SLC36A2: variants seen among roughly 807,000 people sequenced by gnomAD.
The protein encoded by SLC36A2 is solute carrier family 36 member 2.
SLC36A2 carries 39 observed loss-of-function variants against 42.7 expected under a neutral mutation model. The ratio of observed to expected loss-of-function variants is 0.91; its 90% CI spans 0.71 to 1.19. The LOEUF (loss-of-function observed/expected upper bound fraction) is 1.19, where lower values mean the gene tolerates loss of function less well. SLC36A2 is among the 50% of genes most tolerant of loss of function. SLC36A2 has a pLI of 0.00. For missense variants in SLC36A2, 590 were observed against 613.7 expected, an observed-to-expected ratio of 0.96 and a Z score of 0.41; for synonymous variants, 237 against 240.8, an observed-to-expected ratio of 0.98 and a Z score of 0.15.
chr5:151,322,485 C>T (rs1283225727), intron 8 of SLC36A2, among the ~76,000 whole-genome samples: 5 of 152,182 alleles, frequency 3.3e-5, no homozygotes, highest in South Asian at 2.1e-4. Context: ...ATTGCACCTT[C>T]GCAAATCGCT....
At chr5:151,338,681 G>GAAA (rs113529350) in intron 5 of SLC36A2, 20,332 of 181,906 alleles carry the variant, frequency 0.11, 2,905 homozygotes, top group African/African-American at 0.38. Context: ...GTCTCAAAAA[G>GAAA]AAAAAAAAAA....
intron 9 of SLC36A2, among the ~76,000 whole-genome samples, chr5:151,320,460 A>G (rs978674343): frequency 7.2e-5 from 11 of 152,188 alleles, no homozygotes; most frequent in African/African-American, 2.4e-4. Flanking sequence ...TGTGGTTTCT[A>G]CGTACAGTGG....
intron 7 of SLC36A2, among the ~76,000 whole-genome samples, chr5:151,331,574 C>T (rs544922620): frequency 6.6e-6 from 1 of 152,130 alleles, no homozygotes; most frequent in East Asian, 1.9e-4. Context: ...CTGCATCAGC[C>T]TCTTAAAGTT....
chr5:151,334,677 C>G (rs896290382), intron 6 of SLC36A2, among the ~76,000 whole-genome samples: 6 of 151,400 alleles, frequency 4.0e-5, no homozygotes, highest in African/African-American at 9.7e-5. Context: ...GGTGAAAGAT[C>G]GAGAGTCTGT....
chr5:151,343,954 G>A (rs1381627996), intron 2 of SLC36A2, among the ~76,000 whole-genome samples: 1 of 152,112 alleles, frequency 6.6e-6, no homozygotes, highest in African/African-American at 2.4e-5. Flanking sequence ...TTCTACAGGG[G>A]AGGAAACTAA....
rs383915 is a variant in SLC36A2, at chr5:151,316,163, T to C, written c.*654A>G. 0.66 allele frequency: 101,263 copies of C among 152,688 alleles called. 34,564 individuals carry two copies. Among genetic ancestry groups the C allele is most frequent in the East Asian group, 0.98 (5,077 of 5,168 alleles). The allele number at this position is 152,688 out of a possible 1,614,324, so 9.5% of individuals were successfully genotyped here. A position where few individuals can be genotyped will look rare whatever the true frequency, so the allele number is the denominator to read the frequency against. On this transcript the variant is annotated 3_prime_UTR_variant, in exon 10 of 10. Transcript: ENST00000335244. The stretch of plus-strand genomic sequence containing the variant: ...GTGTGGACAGTCTTAGCTGGCTGCA[T>C]CTCCTTTGGCCAGTTGCTGCCACTT...
intron 4 of SLC36A2, among the ~76,000 whole-genome samples, chr5:151,341,851 C>A (rs1756355050): frequency 6.6e-6 from 1 of 152,142 alleles, no homozygotes; most frequent in Admixed American, 6.5e-5. Context: ...CTCAACTTGT[C>A]CAAAATAGAA....
rs942322879 is a variant in SLC36A2, at chr5:151,315,111, G to C, written c.*1706C>G. 6.6e-6 allele frequency: 1 copy of C among 152,658 alleles called. No individual in the cohort carries two copies. The highest frequency in any genetic ancestry group is 1.5e-5 in the Non-Finnish European group (1 of 68,074). 9.5% of individuals were successfully genotyped at this position (152,658 alleles called of 1,614,324 possible). ...TTTACTCGTGTCTGGAAGTTGGTAGGCTGGTTGATCTGCGGACAGGGCTCA... is the reference window on the plus strand; with the variant it reads ...TTTACTCGTGTCTGGAAGTTGGTAGCCTGGTTGATCTGCGGACAGGGCTCA... On this transcript the variant is annotated 3_prime_UTR_variant, in exon 10 of 10. Transcript: ENST00000335244.
intron 7 of SLC36A2, among the ~76,000 whole-genome samples, chr5:151,332,773 A>T (rs246487): frequency 0.44 from 67,390 of 152,122 alleles, 18,189 homozygotes; most frequent in East Asian, 0.86. Flanking sequence ...CAAAAAAGTG[A>T]ATGTTACTGT....
chr5:151,322,283 T>A (rs1446214153), intron 8 of SLC36A2, 68 bp from the exon 9 acceptor site: 1 of 1,566,134 alleles, frequency 6.4e-7, no homozygotes, highest in African/African-American at 1.4e-5. Flanking sequence ...CTTGGAACAT[T>A]AACCTCTGAC....
intron 3 of SLC36A2, among the ~76,000 whole-genome samples, chr5:151,343,212 C>T (rs1029351074): frequency 2.0e-5 from 3 of 152,132 alleles, no homozygotes; most frequent in Admixed American, 1.3e-4. Context: ...ACACCTTGCA[C>T]GGGGACGGTA....
intron 5 of SLC36A2, among the ~76,000 whole-genome samples, chr5:151,337,169 C>T (rs1162208104): frequency 6.6e-6 from 1 of 152,158 alleles, no homozygotes; most frequent in Admixed American, 6.5e-5. Flanking sequence ...AGGTTTCTTC[C>T]TCTCCCATGA....
At chr5:151,332,094 T>C (rs1756013931) in intron 7 of SLC36A2, among the ~76,000 whole-genome samples, 1 of 152,126 alleles carries the variant, frequency 6.6e-6, no homozygotes, top group Admixed American at 6.6e-5. Context: ...CTAGAACTCC[T>C]GACCTCAAGT....
At chr5:151,317,188 A>G in intron 9 of SLC36A2, 100 bp from the exon 10 acceptor site, 2 of 1,474,270 alleles carry the variant, frequency 1.4e-6, no homozygotes, top group Non-Finnish European at 1.8e-6. Context: ...ACAGTGGCTC[A>G]CACTTGTAAT....
At chr5:151,343,172 G>A (rs1756395754) in intron 3 of SLC36A2, among the ~76,000 whole-genome samples, 189 bp from the exon 4 acceptor site, 1 of 151,940 alleles carries the variant, frequency 6.6e-6, no homozygotes, top group Non-Finnish European at 1.5e-5. Flanking sequence ...TGTTAAATGA[G>A]GCGGAGACTA....
intron 3 of SLC36A2, among the ~76,000 whole-genome samples, chr5:151,343,190 A>G (rs1194580217): frequency 6.6e-6 from 1 of 152,202 alleles, no homozygotes; most frequent in African/African-American, 2.4e-5. Context: ...CTACACAGCA[A>G]GAGTCTAATG....
intron 5 of SLC36A2, 95 bp from the exon 6 acceptor site, chr5:151,335,642 A>T: frequency 4.5e-6 from 4 of 885,372 alleles, no homozygotes; most frequent in Non-Finnish European, 7.7e-6. Context: ...ATTCCCTCAC[A>T]GTGAATGGGA....
At chr5:151,317,454 TA>T (rs34665919) in intron 9 of SLC36A2, among the ~76,000 whole-genome samples, 7,538 of 135,408 alleles carry the variant, frequency 0.056, 438 homozygotes, top group African/African-American at 0.16. Flanking sequence ...CCTATCTCAT[TA>T]AAAAAAAAAA....
chr5:151,329,380 C>T (rs1755934259), intron 7 of SLC36A2, among the ~76,000 whole-genome samples: 1 of 152,154 alleles, frequency 6.6e-6, no homozygotes, highest in Non-Finnish European at 1.5e-5. Flanking sequence ...AAATAATATT[C>T]AAAATGCATA....
Sources: allele counts gnomAD v4.1 joint callset (sites outside exome capture counted in the v4.1 genomes callset), GRCh38; gene constraint gnomAD v4.1.1; transcripts MANE v1.5; gene names NCBI Gene and HGNC (gene_info 2026-07-23, HGNC 2026-07-21).